The following CACNG2 variants were observed in gnomAD, a reference collection of about 807,000 sequenced individuals.
The protein encoded by CACNG2 is calcium voltage-gated channel auxiliary subunit gamma 2.
In CACNG2, 3 loss-of-function variants were observed where a neutral mutation model predicts 25.9. That is an observed-to-expected ratio of 0.12 (90% CI 0.05 to 0.30). The LOEUF (loss-of-function observed/expected upper bound fraction) is 0.30, where lower values mean the gene tolerates loss of function less well. Among genes scored for constraint, CACNG2 ranks in the 10% least tolerant of loss-of-function variants. CACNG2 has a pLI of 1.00. For synonymous variants in CACNG2, 167 were observed against 173.3 expected, an observed-to-expected ratio of 0.96 and a Z score of 0.29; for missense variants, 341 against 432.5, an observed-to-expected ratio of 0.79 and a Z score of 1.88.
intron 1 of CACNG2, among the ~76,000 whole-genome samples, chr22:36,688,009 C>T (rs1265791122): frequency 6.6e-6 from 1 of 152,128 alleles, no homozygotes; most frequent in Non-Finnish European, 1.5e-5. Context: ...GTTTTAAGCA[C>T]TAAGTTCGTG....
intron 1 of CACNG2, among the ~76,000 whole-genome samples, chr22:36,653,239 G>A (rs937176508): frequency 3.9e-5 from 6 of 152,118 alleles, no homozygotes; most frequent in African/African-American, 9.7e-5. Context: ...CAGGAGAATC[G>A]CTTGAACCCG....
intron 1 of CACNG2, among the ~76,000 whole-genome samples, chr22:36,651,086 C>G (rs1936605515): frequency 6.6e-6 from 1 of 152,142 alleles, no homozygotes; most frequent in African/African-American, 2.4e-5. Flanking sequence ...TAGCTCTTGT[C>G]TCTACGTAGC....
At chr22:36,627,279 CGT>C (rs58015913) in intron 1 of CACNG2, among the ~76,000 whole-genome samples, 16,853 of 131,034 alleles carry the variant, frequency 0.13, 1,075 homozygotes, top group South Asian at 0.18. Context: ...AGAGTGGGGA[CGT>C]GTGTGTGTGT....
At chr22:36,573,146 G>A (rs1303531274) in intron 2 of CACNG2, among the ~76,000 whole-genome samples, 1 of 152,138 alleles carries the variant, frequency 6.6e-6, no homozygotes, top group Non-Finnish European at 1.5e-5. Flanking sequence ...TTTGAGCACT[G>A]CACATACACA....
chr22:36,577,547 G>T (rs1001662535), intron 2 of CACNG2, among the ~76,000 whole-genome samples: 1 of 152,096 alleles, frequency 6.6e-6, no homozygotes, highest in African/African-American at 2.4e-5. Flanking sequence ...CTACTTGGGA[G>T]GCTGAGGCAG....
chr22:36,660,717 G>A (rs544905116), intron 1 of CACNG2, among the ~76,000 whole-genome samples: 22 of 152,366 alleles, frequency 1.4e-4, no homozygotes, highest in African/African-American at 5.3e-4. Flanking sequence ...CCAGTTGAAA[G>A]CACCCAGGGC....
intron 1 of CACNG2, among the ~76,000 whole-genome samples, chr22:36,596,457 G>A (rs751675043): frequency 2.6e-5 from 4 of 152,184 alleles, no homozygotes; most frequent in Admixed American, 6.5e-5. Flanking sequence ...CATTCTTTCA[G>A]TGGGTAGTTT....
chr22:36,666,416 T>G (rs1601444904), intron 1 of CACNG2, among the ~76,000 whole-genome samples: 1 of 128,980 alleles, frequency 7.8e-6, no homozygotes, highest in South Asian at 2.5e-4. Flanking sequence ...TCAAAATAAA[T>G]AAATAAATAA....
At chr22:36,619,451 C>T (rs530069594) in intron 1 of CACNG2, among the ~76,000 whole-genome samples, 2 of 152,186 alleles carry the variant, frequency 1.3e-5, no homozygotes, top group African/African-American at 2.4e-5. Flanking sequence ...TGATTGAATG[C>T]GATGGGTGAT....
intron 1 of CACNG2, among the ~76,000 whole-genome samples, chr22:36,637,101 T>C (rs2145963156): frequency 6.6e-6 from 1 of 152,336 alleles, no homozygotes; most frequent in East Asian, 1.9e-4. Context: ...CCAGAGCCCA[T>C]GTTGCACCTC....
intron 1 of CACNG2, among the ~76,000 whole-genome samples, chr22:36,648,832 A>G (rs751276706): frequency 8.6e-5 from 13 of 151,828 alleles, no homozygotes; most frequent in Non-Finnish European, 1.9e-4. Flanking sequence ...TTGTCTTAAC[A>G]CTGTCCCTTT....
intron 1 of CACNG2, among the ~76,000 whole-genome samples, chr22:36,671,874 GGAAGAAAAATGGCCAGGCTTTTA>G (rs1275529695): frequency 6.6e-6 from 1 of 152,146 alleles, no homozygotes. Context: ...CATTTTGCTA[GGAAGAAAAATGGCCAGGCTTTTA>G]GAAGAGAAGA....
intron 1 of CACNG2, among the ~76,000 whole-genome samples, chr22:36,700,473 G>T (rs1416429020): frequency 6.6e-6 from 1 of 152,174 alleles, no homozygotes; most frequent in Non-Finnish European, 1.5e-5. Flanking sequence ...ACAATGTCTT[G>T]TCTCTCCTCT....
rs1935019570 is a variant in CACNG2 at position 36,561,046 on chromosome 22, T to TG, written c.*3304dup. ...GGACATGAGCAATCATCCACACCCC[T>TG]GGGCAGCAACGCCCTTGCAGTTCCG... On this transcript the variant is annotated 3_prime_UTR_variant, in exon 4 of 4. Coordinates refer to ENST00000300105, the MANE Select transcript of CACNG2 (RefSeq NM_006078.5). 1 of 151,382 alleles carries TG rather than the reference T, an allele frequency of 6.6e-6. No homozygotes were observed. The highest frequency in any genetic ancestry group is 6.6e-5 in the Admixed American group (1 of 15,132). The allele number at this position is 151,382 out of a possible 1,614,324, so 9.4% of individuals were successfully genotyped here.
chr22:36,566,780 C>T (rs1030802804), intron 2 of CACNG2, among the ~76,000 whole-genome samples: 1 of 152,188 alleles, frequency 6.6e-6, no homozygotes, highest in Non-Finnish European at 1.5e-5. Flanking sequence ...TCCCACGGCT[C>T]CCAGTCCTCA....
intron 2 of CACNG2, among the ~76,000 whole-genome samples, chr22:36,586,721 C>A (rs1380938853): frequency 7.9e-6 from 1 of 125,982 alleles, no homozygotes; most frequent in East Asian, 2.1e-4. Flanking sequence ...AAAGAGATGG[C>A]CTGAGAACCT....
chr22:36,629,186 C>T (rs1018210502), intron 1 of CACNG2, among the ~76,000 whole-genome samples: 2 of 152,160 alleles, frequency 1.3e-5, no homozygotes, highest in African/African-American at 2.4e-5. Context: ...TTGGGTAAGA[C>T]GGATCTGATT....
At position 36,564,356 on chromosome 22, in the gene CACNG2, C is replaced by A; in HGVS notation, c.967G>T (p.Val323Leu). ...TCTGGCGAGGCCCGCGGTCTTTATA[C>A]GGGGGTGGTCCGGCGGTTGGCTGTG... is the stretch of plus-strand genomic sequence containing the variant. Reference protein sequence around the residue: ...SNTANRRTTPV With the variant: ...SNTANRRTTPL Residue 323 changes from valine to leucine, a missense_variant, in exon 4 of 4, where the codon GTA becomes TTA. This residue lies in a region of CACNG2 where 172 missense variants were observed against 178.1 expected (regional missense o/e 0.97). Transcript: ENST00000300105. This position sits in a 1 kb window ranked among gnomAD's most constrained non-coding sequence, Gnocchi z 6.7. 6.2e-7 allele frequency: 1 copy of A among 1,611,190 alleles called. No homozygotes were observed. The highest frequency in any genetic ancestry group is 8.5e-7 in the Non-Finnish European group (1 of 1,178,726).
chr22:36,622,785 C>A (rs1049632735), intron 1 of CACNG2, among the ~76,000 whole-genome samples: 2 of 151,894 alleles, frequency 1.3e-5, no homozygotes, highest in Non-Finnish European at 1.5e-5. Flanking sequence ...ATGGAGAAAC[C>A]CCGTCTCTAC....
Sources: gnomAD v4.1 joint callset for allele counts (sites outside exome capture counted in the v4.1 genomes callset) on GRCh38, gnomAD v4.1.1 for gene constraint, gnomAD v4.1.1 regional missense constraint, Gnocchi (gnomAD v3.1) non-coding constraint, MANE v1.5 for transcripts, NCBI Gene and HGNC (gene_info 2026-07-23, HGNC 2026-07-21) for gene names.